Variants in IGBP1 observed in about 807,000 individuals in gnomAD.
IGBP1 encodes immunoglobulin-binding protein 1.
IGBP1 carries 2 observed loss-of-function variants against 25.9 expected under a neutral mutation model. The ratio of observed to expected loss-of-function variants is 0.08; its 90% confidence interval spans 0.03 to 0.24. IGBP1 has a LOEUF of 0.24. IGBP1 is among the 10% of genes least tolerant of loss of function. IGBP1 has a pLI of 1.00. For synonymous variants in IGBP1, 96 were observed against 93.4 expected (o/e 1.03, Z -0.16); for missense variants, 187 against 260.4 (o/e 0.72, Z 1.94).
intron 6 of IGBP1, among the ~76,000 whole-genome samples, chrX:70,160,356 A>G (rs1429097615): frequency 4.5e-5 from 5 of 112,227 alleles, no homozygotes; most frequent in African/African-American, 1.6e-4. Context: ...ATCTCAGTAA[A>G]AATAGTAAGT....
intron 6 of IGBP1, among the ~76,000 whole-genome samples, chrX:70,162,219 G>C (rs1009521556): frequency 1.8e-5 from 2 of 111,560 alleles, no homozygotes; most frequent in Non-Finnish European, 3.8e-5. Context: ...TGTGAAGTCA[G>C]GTTGATAGCA....
At chrX:70,165,342 T>G (rs796511555) in intron 6 of IGBP1, 2 of 131,813 alleles carry the variant, frequency 1.5e-5, no homozygotes, top group South Asian at 4.5e-4. Context: ...TGATTTTCAA[T>G]TTTATGCACA....
rs1470718009 is a variant in IGBP1 at position 70,148,787 on chromosome X, G to T, written c.705G>T (p.Gln235His). 9.1e-6 allele frequency: 11 copies of T among 1,203,766 alleles called. No homozygotes were observed. Among genetic ancestry groups the T allele is most frequent in the Admixed American group, 2.2e-5 (1 of 45,905 alleles). ...REASTSNSSR[Q>H]ERPPVKPFIL... ...CATCAACTTCTAACTCATCTCGCCA[G>T]GAGAGGCCTCCAGTGAAACCCTTCA... Residue 235 changes from glutamine to histidine, a missense_variant, in exon 5 of 7, where the codon CAG (glutamine) becomes CAT (histidine). By Grantham distance (24) the Gln-to-His change is conservative. Transcript: ENST00000356413.
At position 70,158,596 on chromosome X, in the gene IGBP1, C is replaced by T. The variant is rs371919948; in HGVS notation, c.872-7237C>T. On this transcript the variant is annotated intron_variant, in intron 6 of 6. Coordinates refer to ENST00000356413, the MANE Select transcript of IGBP1 (RefSeq NM_001551.3). ...TGTTGGCTCACACCTGTAATCCCAG[C>T]ACTTTGGGAGGCGGATCACAAGGTC... Among the ~76,000 whole-genome samples the T allele has an allele frequency of 1.3e-4, 15 of 111,114 alleles. No individual in the cohort carries two copies. The South Asian group carries it at 3.1e-3, about 23-fold the overall frequency.
At chrX:70,142,828 A>T (rs1322166377) in intron 3 of IGBP1, among the ~76,000 whole-genome samples, 1 of 109,949 alleles carries the variant, frequency 9.1e-6, no homozygotes, top group Non-Finnish European at 1.9e-5. Flanking sequence ...AAAAAAACAC[A>T]AAGATATTAC....
intron 6 of IGBP1, among the ~76,000 whole-genome samples, chrX:70,158,305 G>C (rs752394966): frequency 1.8e-5 from 2 of 111,613 alleles, no homozygotes; most frequent in South Asian, 7.5e-4. Flanking sequence ...GCTGAGAGTA[G>C]AATTGAAATT....
Position 70,133,960 on chromosome X carries a change from G to A in IGBP1, c.13G>A (p.Asp5Asn), listed in dbSNP as rs772049760. ...CTCTCTCCCCAAGATGGCTGCTGAG[G>A]ACGAGTTACAGCTGCCGCGGCTCCC... Reference protein sequence around the residue: MAAEDELQLPRLPEL... With the variant: MAAENELQLPRLPEL... The change falls in exon 2 of 7, where the codon GAC (aspartate) becomes AAC (asparagine). Residue 5 changes from aspartate to asparagine, a missense_variant. Physicochemically the swap from Asp to Asn is conservative, Grantham distance 23. Transcript: ENST00000356413. 20 of 1,211,160 alleles carry A rather than the reference G, an allele frequency of 1.7e-5. No individual in the cohort carries two copies. Among genetic ancestry groups the A allele is most frequent in the Non-Finnish European group, 2.2e-5 (20 of 894,906 alleles).
chrX:70,146,788 A>G lies in IGBP1; in HGVS notation c.638A>G (p.Gln213Arg), dbSNP rs976301869. 5.0e-6 allele frequency: 6 copies of G among 1,207,387 alleles called. No homozygotes were observed. In the East Asian group the frequency reaches 8.9e-5, roughly 18 times the overall value. Residue 213 changes from glutamine (Q) to arginine (R), a missense_variant, in exon 4 of 7, where the codon CAG becomes CGG. Physicochemically the swap from Gln to Arg is conservative, Grantham distance 43. Coordinates refer to ENST00000356413, the MANE Select transcript of IGBP1 (RefSeq NM_001551.3). ...TTAGAAGAGATTGAGAGCATTGACC[A>G]GGAAATAAAGATCCTGAGAGAAAGA... ...ISLEEIESID[Q>R]EIKILRERDS...
intron 6 of IGBP1, among the ~76,000 whole-genome samples, chrX:70,152,672 A>C (rs757819964): frequency 3.6e-5 from 4 of 112,383 alleles, no homozygotes; most frequent in Non-Finnish European, 5.6e-5. Context: ...GAAACTATAC[A>C]CACAAATTCT....
Position 70,148,821 on chromosome X carries a change from C to G in IGBP1, c.739C>G (p.Arg247Gly), listed in dbSNP as rs772723307. The G allele has an allele frequency of 8.3e-7, 1 of 1,197,618 alleles. No homozygotes were observed. Among genetic ancestry groups the G allele is most frequent in the Non-Finnish European group, 1.1e-6 (1 of 883,582 alleles). Reference protein sequence around the residue: ...RPPVKPFILTRNMAQAKVFGA... With the variant: ...RPPVKPFILTGNMAQAKVFGA... Reference sequence around the variant, plus strand: ...TCCAGTGAAACCCTTCATTCTCACTCGGAACATGGCTCAAGCCAAGTAGGT... The same window carrying G: ...TCCAGTGAAACCCTTCATTCTCACTGGGAACATGGCTCAAGCCAAGTAGGT... Residue 247 changes from arginine (R) to glycine (G), a missense_variant, in exon 5 of 7, where the codon CGG (arginine) becomes GGG (glycine). By Grantham distance (125) the Arg-to-Gly change is moderately radical (BLOSUM62 -2). Transcript: ENST00000356413.
Position 70,148,852 on chromosome X carries a change from T to C in IGBP1, c.758+12T>C, listed in dbSNP as rs1342848153. On this transcript the variant is annotated intron_variant, in intron 5 of 6. Coordinates refer to ENST00000356413, the MANE Select transcript of IGBP1 (RefSeq NM_001551.3). ...ATGGCTCAAGCCAAGTAGGTAGTACTAGAAAGTTTGCTTTGCAGCCCTCTG... is the reference window on the plus strand; with the variant it reads ...ATGGCTCAAGCCAAGTAGGTAGTACCAGAAAGTTTGCTTTGCAGCCCTCTG... 6.2e-6 allele frequency: 7 copies of C among 1,136,348 alleles called. No individual in the cohort carries two copies. The Admixed American group carries it at 1.5e-4, about 25-fold the overall frequency. The allele number at this position is 1,136,348 out of a possible 1,213,427, so 93.6% of individuals were successfully genotyped here.
chrX:70,139,502 G>C (rs2085117747), intron 3 of IGBP1, among the ~76,000 whole-genome samples: 1 of 110,636 alleles, frequency 9.0e-6, no homozygotes, highest in African/African-American at 3.3e-5. Context: ...GACCCCTCCT[G>C]ACCTTCAGAC....
chrX:70,155,984 T>G (rs1250163309), intron 6 of IGBP1, among the ~76,000 whole-genome samples: 2 of 111,647 alleles, frequency 1.8e-5, no homozygotes, highest in East Asian at 5.6e-4. Flanking sequence ...AATATTGTTG[T>G]GTCTCAAGGA....
intron 3 of IGBP1, among the ~76,000 whole-genome samples, chrX:70,144,189 AAAAC>A (rs572697150): frequency 5.3e-4 from 60 of 112,396 alleles, no homozygotes; most frequent in Non-Finnish European, 8.8e-4. Context: ...CTCTATCTCA[AAAAC>A]AAACAAACAA....
At chrX:70,144,173 A>G (rs2085150607) in intron 3 of IGBP1, among the ~76,000 whole-genome samples, 1 of 112,290 alleles carries the variant, frequency 8.9e-6, no homozygotes, top group Non-Finnish European at 1.9e-5. Flanking sequence ...GGGTGACAGA[A>G]CAAGACTCTA....
intron 6 of IGBP1, chrX:70,164,081 A>G (rs965710055): frequency 9.0e-6 from 1 of 110,993 alleles, no homozygotes; most frequent in Admixed American, 9.6e-5. Flanking sequence ...TCTACTAAAA[A>G]TACAAAAATT....
rs2085077670 is a variant in IGBP1 at position 70,133,870 on chromosome X, C to T, written c.-78C>T. 2.1e-6 allele frequency: 2 copies of T among 952,099 alleles called. No homozygotes were observed. Among genetic ancestry groups the T allele is most frequent in the African/African-American group, 1.9e-5 (1 of 51,493 alleles). The allele number at this position is 952,099 out of a possible 1,213,427, so 78.5% of individuals were successfully genotyped here. A position where few individuals can be genotyped will look rare whatever the true frequency, so the allele number is the denominator to read the frequency against. ...ATGAGGTGCTTCTTCCGGTTTTGTC[C>T]GCGCTCGCCTAATTCTTCTTTATCA... On this transcript the variant is annotated 5_prime_UTR_variant, in exon 2 of 7. Coordinates refer to ENST00000356413, the MANE Select transcript of IGBP1 (RefSeq NM_001551.3).
At chrX:70,163,089 T>C (rs1230552784) in intron 6 of IGBP1, among the ~76,000 whole-genome samples, 1 of 111,022 alleles carries the variant, frequency 9.0e-6, no homozygotes, top group Non-Finnish European at 1.9e-5. Flanking sequence ...TCTCACACTC[T>C]GAGCCCAGGC....
chrX:70,143,954 A>G (rs1490675174), intron 3 of IGBP1, among the ~76,000 whole-genome samples: 1 of 112,460 alleles, frequency 8.9e-6, no homozygotes, highest in Non-Finnish European at 1.9e-5. Context: ...TTGAGAGGCT[A>G]AGGCAGGCAG....
Sources: gnomAD v4.1 joint callset for allele counts (sites outside exome capture counted in the v4.1 genomes callset) on GRCh38, gnomAD v4.1.1 for gene constraint, MANE v1.5 for transcripts, NCBI Gene and HGNC (gene_info 2026-07-23, HGNC 2026-07-21) for gene names.